Variants in ESRRB observed in about 807,000 individuals in gnomAD.
ESRRB encodes the protein steroid hormone receptor ERR2.
A neutral mutation model predicts 46.0 loss-of-function variants in ESRRB; 16 were observed. That is an observed-to-expected ratio of 0.35 (90% confidence interval 0.24 to 0.53). The LOEUF is 0.53. Among genes scored for constraint, ESRRB ranks in the 20% least tolerant of loss-of-function variants. The pLI is 0.93. For missense variants in ESRRB, 488 were observed against 607.4 expected (o/e 0.80, Z 2.07); for synonymous variants, 246 against 259.6 (o/e 0.95, Z 0.50).
chr14:76,328,903 G>C, intron 1 of ESRRB, among the ~76,000 whole-genome samples: 1 of 152,126 alleles, frequency 6.6e-6, no homozygotes. Context: ...AATATTCAAA[G>C]GAATGCCCCC....
chr14:76,377,807 G>C (rs1267402911), intron 1 of ESRRB, among the ~76,000 whole-genome samples: 1 of 152,192 alleles, frequency 6.6e-6, no homozygotes, highest in African/African-American at 2.4e-5. Flanking sequence ...GAGGGCAGCT[G>C]TCCACAGCAT....
At chr14:76,479,722 T>C (rs1346745528) in intron 3 of ESRRB, among the ~76,000 whole-genome samples, 4 of 152,154 alleles carry the variant, frequency 2.6e-5, no homozygotes, top group Non-Finnish European at 5.9e-5. Flanking sequence ...CTCCGTTTGA[T>C]GGTGCACTTG....
intron 2 of ESRRB, among the ~76,000 whole-genome samples, chr14:76,445,804 C>G (rs186994115): frequency 6.6e-6 from 1 of 151,984 alleles, no homozygotes; most frequent in African/African-American, 2.4e-5. Context: ...CCTGCCACAG[C>G]CTCCCAAGAT....
At chr14:76,390,445 C>T (rs146620269) in intron 1 of ESRRB, among the ~76,000 whole-genome samples, 1,806 of 152,136 alleles carry the variant, frequency 0.012, 12 homozygotes, top group Non-Finnish European at 0.015. Context: ...GCCAAGATTG[C>T]GCCACTGCAC....
At chr14:76,464,600 TAGAC>T (rs999248201) in intron 3 of ESRRB, among the ~76,000 whole-genome samples, 5 of 152,192 alleles carry the variant, frequency 3.3e-5, no homozygotes, top group Non-Finnish European at 7.3e-5. Context: ...ACTCAGCTCT[TAGAC>T]AGGCCAGCTG....
chr14:76,469,052 G>A (rs1372720443), intron 3 of ESRRB, among the ~76,000 whole-genome samples: 1 of 151,980 alleles, frequency 6.6e-6, no homozygotes, highest in Admixed American at 6.6e-5. Context: ...CTGCCCTTCT[G>A]TGCTCTGAAT....
At chr14:76,332,731 ATATAT>A (rs371354279) in intron 1 of ESRRB, among the ~76,000 whole-genome samples, 1,486 of 23,068 alleles carry the variant, frequency 0.064, 106 homozygotes, top group Middle Eastern at 0.14. Context: ...ATATATATTT[ATATAT>A]TATATATTTA....
intron 1 of ESRRB, among the ~76,000 whole-genome samples, chr14:76,415,318 C>G (rs1283151803): frequency 2.0e-5 from 3 of 152,104 alleles, no homozygotes; most frequent in African/African-American, 7.2e-5. Context: ...CCTCTATGTG[C>G]TGAGTACAGT....
At chr14:76,358,544 A>T (rs1184965608) in intron 1 of ESRRB, among the ~76,000 whole-genome samples, 1 of 151,856 alleles carries the variant, frequency 6.6e-6, no homozygotes, top group Non-Finnish European at 1.5e-5. Flanking sequence ...CATTTAATGA[A>T]AATTCAGTTA....
In ESRRB at chr14:76,482,140, C is replaced by A. The variant is rs1334266556; in HGVS notation, c.688+14C>A. ...CTAAAAAGCCATGTGAGTGTCAGGG[C>A]AGTCCCTGCCCCTTTTGCCAGCATC... On this transcript the variant is annotated intron_variant, in intron 4 of 6. Coordinates refer to ENST00000644823, the MANE Select transcript of ESRRB (RefSeq NM_001379180.1). The surrounding 1 kb of genome is among the most constrained non-coding windows in gnomAD (Gnocchi z 4.3). 6.3e-7 allele frequency: 1 copy of A among 1,585,968 alleles called. No individual in the cohort carries two copies. Among genetic ancestry groups the A allele is most frequent in the South Asian group, 1.1e-5 (1 of 90,506 alleles).
chr14:76,448,227 A>G (rs1888232399), intron 2 of ESRRB, among the ~76,000 whole-genome samples: 1 of 151,616 alleles, frequency 6.6e-6, no homozygotes, highest in African/African-American at 2.4e-5. Context: ...AGGTTCGCCC[A>G]TCACGCCACC....
intron 2 of ESRRB, among the ~76,000 whole-genome samples, chr14:76,444,092 C>T (rs898971229): frequency 1.3e-5 from 2 of 151,546 alleles, no homozygotes; most frequent in African/African-American, 4.8e-5. Context: ...GACAGAGTCT[C>T]GCTCTGTTGC....
intron 1 of ESRRB, among the ~76,000 whole-genome samples, chr14:76,434,573 T>A (rs1887590616): frequency 6.8e-6 from 1 of 147,312 alleles, no homozygotes; most frequent in Admixed American, 6.8e-5. Context: ...GGCAAGAAAA[T>A]CGCTTCAAAC....
At chr14:76,359,575 G>A (rs973679457) in intron 1 of ESRRB, among the ~76,000 whole-genome samples, 1 of 152,190 alleles carries the variant, frequency 6.6e-6, no homozygotes, top group African/African-American at 2.4e-5. Context: ...ATACATGGGG[G>A]AGTCAGGGTT....
intron 1 of ESRRB, among the ~76,000 whole-genome samples, chr14:76,393,967 ATT>A (rs71122531): frequency 3.9e-5 from 5 of 126,956 alleles, no homozygotes; most frequent in Non-Finnish European, 6.5e-5. Context: ...TGCCTGGCTA[ATT>A]TTTTTTTTTT....
chr14:76,352,542 G>T (rs1884326481), intron 1 of ESRRB, among the ~76,000 whole-genome samples: 1 of 152,204 alleles, frequency 6.6e-6, no homozygotes, highest in South Asian at 2.1e-4. Flanking sequence ...CACCGGTTGG[G>T]GGCACAGGCC....
chr14:76,383,030 A>C (rs1317805807), intron 1 of ESRRB, among the ~76,000 whole-genome samples: 1 of 152,190 alleles, frequency 6.6e-6, no homozygotes, highest in East Asian at 1.9e-4. Flanking sequence ...CTTTGTTTTT[A>C]TCTTCTGATT....
intron 1 of ESRRB, among the ~76,000 whole-genome samples, chr14:76,333,012 TTTATATA>T (rs1198947763): frequency 2.1e-4 from 3 of 14,554 alleles, no homozygotes; most frequent in South Asian, 2.9e-3. Context: ...ATATTATATA[TTTATATA>T]TTATATATTA....
chr14:76,389,530 G>A (rs902216680), intron 1 of ESRRB, among the ~76,000 whole-genome samples: 9 of 152,198 alleles, frequency 5.9e-5, no homozygotes, highest in African/African-American at 2.2e-4. Context: ...GGAGAGCACT[G>A]GTTCTGCCAC....
Sources: gnomAD v4.1 joint callset for allele counts (sites outside exome capture counted in the v4.1 genomes callset) on GRCh38, gnomAD v4.1.1 for gene constraint, Gnocchi (gnomAD v3.1) non-coding constraint, MANE v1.5 for transcripts, NCBI Gene and HGNC (gene_info 2026-07-23, HGNC 2026-07-21) for gene names.